Variants in CNGA3 observed in about 807,000 individuals in gnomAD.
The protein encoded by CNGA3 is cyclic nucleotide gated channel subunit alpha 3.
Under a neutral mutation model 46.6 loss-of-function variants are expected in CNGA3, and 42 were observed. That is an observed-to-expected ratio of 0.90 (90% CI 0.70 to 1.17). CNGA3 has a LOEUF of 1.17. Among genes scored for constraint, CNGA3 ranks in the 50% most tolerant of loss-of-function variants. CNGA3 has a pLI of 0.00. For missense variants in CNGA3, 893 were observed against 890.7 expected, an observed-to-expected ratio of 1.00 and a Z score of -0.03; for synonymous variants, 394 against 369.4, an observed-to-expected ratio of 1.07 and a Z score of -0.76.
chr2:98,358,264 A>G (rs552079029), intron 1 of CNGA3, among the ~76,000 whole-genome samples: 2 of 152,382 alleles, frequency 1.3e-5, no homozygotes, highest in Non-Finnish European at 2.9e-5. Context: ...CCTTTCCTAT[A>G]GGAATTGACC....
chr2:98,356,115 G>A (rs1486192187), intron 1 of CNGA3: 4 of 152,168 alleles, frequency 2.6e-5, no homozygotes, highest in Non-Finnish European at 4.4e-5. Flanking sequence ...AGCAGGATGG[G>A]GGCATAAGGG....
intron 4 of CNGA3, among the ~76,000 whole-genome samples, chr2:98,382,426 C>G (rs112627024): frequency 9.9e-4 from 150 of 152,182 alleles, no homozygotes; most frequent in African/African-American, 3.5e-3. Flanking sequence ...AATCTAGAAA[C>G]AAGCGGTTAT....
intron 1 of CNGA3, among the ~76,000 whole-genome samples, chr2:98,349,135 C>T (rs1691714637): frequency 6.6e-6 from 1 of 152,048 alleles, no homozygotes; most frequent in African/African-American, 2.4e-5. Context: ...TTTGGGGAGT[C>T]CTGCATCATG....
chr2:98,374,358 CCT>C (rs1183923400), intron 2 of CNGA3, among the ~76,000 whole-genome samples: 1 of 152,198 alleles, frequency 6.6e-6, no homozygotes. Context: ...ATCAGGGGGG[CCT>C]CTTCCTTGGA....
chr2:98,360,758 G>A (rs1057304362), intron 1 of CNGA3, among the ~76,000 whole-genome samples: 6 of 152,310 alleles, frequency 3.9e-5, no homozygotes, highest in African/African-American at 1.4e-4. Flanking sequence ...AAATAGGGTT[G>A]AGTCCTAATG....
At chr2:98,355,125 G>T (rs2106074017) in intron 1 of CNGA3, among the ~76,000 whole-genome samples, 1 of 152,274 alleles carries the variant, frequency 6.6e-6, no homozygotes, top group East Asian at 1.9e-4. Flanking sequence ...TTGAGTTTGG[G>T]TAAGTCTATT....
chr2:98,389,595 A>G, intron 5 of CNGA3, 63 bp from the exon 6 acceptor site: 1 of 1,483,582 alleles, frequency 6.7e-7, no homozygotes, highest in Non-Finnish European at 9.4e-7. Flanking sequence ...TAGGCTCTCT[A>G]AAACCCTCCA....
intron 1 of CNGA3, among the ~76,000 whole-genome samples, chr2:98,360,996 TTTTTATTTTATTTTATTTTA>T (rs201142770): frequency 1.3e-5 from 2 of 150,816 alleles, no homozygotes; most frequent in African/African-American, 2.4e-5. Context: ...GTTATTTTTA[TTTTTATTTTATTTTATTTTA>T]TTTTATTTAT....
chr2:98,396,690 A>G lies in CNGA3; in HGVS notation c.1520A>G (p.Asp507Gly), dbSNP rs778000601. Residue 507 changes from aspartate to glycine, a missense_variant, in exon 8 of 8, where the codon GAT (aspartate) becomes GGT (glycine). By Grantham distance (94) the Asp-to-Gly change is moderately conservative (BLOSUM62 -1). This residue lies in a region of CNGA3 where 548 missense variants were observed against 570.8 expected (regional missense o/e 0.96). Coordinates refer to ENST00000272602, the MANE Select transcript of CNGA3 (RefSeq NM_001298.3). ...CGACCCACTGTGTTCAGCCCTGGGG[A>G]TTATATCTGCAAGAAGGGAGATATT... ...KLRPTVFSPG[D>G]YICKKGDIGK... is the part of the protein sequence containing the mutation. 3.6e-5 allele frequency: 58 copies of G among 1,613,978 alleles called. No individual in the cohort carries two copies. The highest frequency in any genetic ancestry group is 4.9e-5 in the Non-Finnish European group (58 of 1,180,040).
intron 4 of CNGA3, among the ~76,000 whole-genome samples, chr2:98,382,154 G>A (rs529268490): frequency 1.6e-4 from 25 of 152,206 alleles, no homozygotes; most frequent in African/African-American, 2.4e-4. Flanking sequence ...AGATGGATGC[G>A]ATGGTGCGGA....
At chr2:98,356,005 C>G (rs140472171) in intron 1 of CNGA3, 1 of 152,344 alleles carries the variant, frequency 6.6e-6, no homozygotes, top group Admixed American at 6.5e-5. Flanking sequence ...GTAGGAATGT[C>G]AGTGTGGTGC....
chr2:98,371,945 G>T (rs1283308823), intron 2 of CNGA3, among the ~76,000 whole-genome samples: 1 of 152,228 alleles, frequency 6.6e-6, no homozygotes, highest in African/African-American at 2.4e-5. Context: ...GTCAGGATCA[G>T]GAAGATTTTG....
intron 7 of CNGA3, among the ~76,000 whole-genome samples, chr2:98,394,759 C>T (rs1222966621): frequency 6.6e-6 from 1 of 152,204 alleles, no homozygotes; most frequent in Non-Finnish European, 1.5e-5. Context: ...GTCAAACTCA[C>T]TCTGCCAAAG....
intron 7 of CNGA3, among the ~76,000 whole-genome samples, chr2:98,392,594 GA>G (rs370346780): frequency 4.7e-5 from 7 of 150,428 alleles, no homozygotes; most frequent in Admixed American, 1.3e-4. Context: ...GAAAAGAAAA[GA>G]AAAAAAAAGA....
At chr2:98,383,279 A>T (rs1195779528) in intron 4 of CNGA3, 109 bp from the exon 5 acceptor site, 1 of 1,033,574 alleles carries the variant, frequency 9.7e-7, no homozygotes, top group Admixed American at 1.8e-5. Flanking sequence ...AAAGGCTGGA[A>T]GCAGTGGGAT....
chr2:98,378,209 G>A (rs1474929689), intron 3 of CNGA3: 61 of 1,549,042 alleles, frequency 3.9e-5, no homozygotes, highest in Non-Finnish European at 5.2e-5. Flanking sequence ...GTGCTCGTCT[G>A]GACCCCAGGG....
chr2:98,372,342 C>G (rs1389296074), intron 2 of CNGA3, among the ~76,000 whole-genome samples: 2 of 152,228 alleles, frequency 1.3e-5, no homozygotes, highest in Non-Finnish European at 2.9e-5. Flanking sequence ...CCACTGGCCT[C>G]TGGCTTCTGG....
At chr2:98,367,452 C>T (rs932078831) in intron 1 of CNGA3, among the ~76,000 whole-genome samples, 1 of 152,090 alleles carries the variant, frequency 6.6e-6, no homozygotes, top group African/African-American at 2.4e-5. Flanking sequence ...CTTCGGCCTC[C>T]CAAAGTGCGG....
chr2:98,392,491 G>A (rs988067053), intron 7 of CNGA3, among the ~76,000 whole-genome samples: 4 of 151,876 alleles, frequency 2.6e-5, no homozygotes, highest in Non-Finnish European at 5.9e-5. Context: ...ACCCCGGGAG[G>A]TGGAGGTTGC....
Sources: gnomAD v4.1 joint callset for allele counts (sites outside exome capture counted in the v4.1 genomes callset) on GRCh38, gnomAD v4.1.1 for gene constraint, gnomAD v4.1.1 regional missense constraint, MANE v1.5 for transcripts, NCBI Gene and HGNC (gene_info 2026-07-23, HGNC 2026-07-21) for gene names.